The following TGM4 variants were observed in gnomAD, a reference collection of about 807,000 sequenced individuals.
TGM4 encodes the protein protein-glutamine gamma-glutamyltransferase 4.
Under a neutral mutation model 76.3 loss-of-function variants are expected in TGM4, and 61 were observed. The ratio of observed to expected loss-of-function variants is 0.80; its 90% confidence interval spans 0.65 to 0.99. The LOEUF (loss-of-function observed/expected upper bound fraction) is 0.99, where lower values mean the gene tolerates loss of function less well. Among genes scored for constraint, TGM4 ranks in the 50% least tolerant of loss-of-function variants. The pLI, the probability that TGM4 is intolerant of heterozygous loss-of-function variation, is 0.00. For missense variants in TGM4, 794 were observed against 843.2 expected, an observed-to-expected ratio of 0.94 and a Z score of 0.72; for synonymous variants, 337 against 329.8, an observed-to-expected ratio of 1.02 and a Z score of -0.24.
At chr3:44,911,565 A>G (rs1258038071) in intron 13 of TGM4, among the ~76,000 whole-genome samples, 159 bp downstream of exon 13, 3 of 152,244 alleles carry the variant, frequency 2.0e-5, no homozygotes, top group Admixed American at 1.3e-4. Flanking sequence ...GATTGCATCA[A>G]TTTATGCTCT....
chr3:44,878,415 C>CG (rs1699478198), intron 1 of TGM4, among the ~76,000 whole-genome samples: 1 of 150,200 alleles, frequency 6.7e-6, no homozygotes, highest in Non-Finnish European at 1.5e-5. Flanking sequence ...GGGAGAGAAA[C>CG]TTAATTTTTG....
At chr3:44,889,170 T>TAAAAAAAAAAAAAAA (rs546432543) in intron 3 of TGM4, 2 of 40,262 alleles carry the variant, frequency 5.0e-5, no homozygotes, top group African/African-American at 1.6e-4. Context: ...CCATCTCTAC[T>TAAAAAAAAAAAAAAA]AAAAAAAAAA....
chr3:44,913,596 T>A lies in TGM4; in HGVS notation c.1926T>A (p.Pro642=). The A allele has an allele frequency of 6.2e-7, 1 of 1,613,948 alleles. No homozygotes were observed. Among genetic ancestry groups the A allele is most frequent in the Non-Finnish European group, 8.5e-7 (1 of 1,179,920 alleles). The change falls in exon 14 of 14, where the codon CCT becomes CCA. Residue 642 remains proline, a synonymous_variant. Coordinates refer to ENST00000296125, the MANE Select transcript of TGM4 (RefSeq NM_003241.4). Reference sequence around the variant, plus strand: ...TTGAATTTTCCAGGACGGTGCAGCCTGGTGAGACCATCCAATCCCAAATAA... The same window carrying A: ...TTGAATTTTCCAGGACGGTGCAGCCAGGTGAGACCATCCAATCCCAAATAA... The part of the protein sequence containing the change: ...LQTSDHGTVQ[P]GETIQSQIKC...
chr3:44,912,767 G>A (rs1700021479), intron 13 of TGM4, among the ~76,000 whole-genome samples: 4 of 152,096 alleles, frequency 2.6e-5, no homozygotes, highest in Admixed American at 2.6e-4. Context: ...CTTTAGAAAA[G>A]CTATATTGTT....
In TGM4 at chr3:44,913,604, C is replaced by A. The variant is rs772599019; in HGVS notation, c.1934C>A (p.Thr645Asn). The A allele has an allele frequency of 9.9e-6, 16 of 1,613,912 alleles. No homozygotes were observed. The Admixed American group carries it at 2.5e-4, about 25-fold the overall frequency. ...TCCAGGACGGTGCAGCCTGGTGAGA[C>A]CATCCAATCCCAAATAAAATGCACC... ...SDHGTVQPGETIQSQIKCTPI... is the reference protein window; with the variant it reads ...SDHGTVQPGENIQSQIKCTPI... The change falls in exon 14 of 14, where the codon ACC (threonine) becomes AAC (asparagine). Residue 645 changes from threonine (T) to asparagine (N), a missense_variant. Thr to Asn is a moderately conservative substitution (Grantham distance 65). Coordinates refer to ENST00000296125, the MANE Select transcript of TGM4 (RefSeq NM_003241.4).
intron 1 of TGM4, among the ~76,000 whole-genome samples, chr3:44,875,134 T>C (rs1382713476): frequency 1.3e-5 from 2 of 152,244 alleles, no homozygotes; most frequent in African/African-American, 4.8e-5. Flanking sequence ...AATACAATTA[T>C]GAAGACCAGG....
chr3:44,914,877 C>T lies in TGM4; in HGVS notation c.*1152C>T, dbSNP rs1559624134. The T allele has an allele frequency of 6.6e-6, 1 of 152,178 alleles. No homozygotes were observed. The highest frequency in any genetic ancestry group is 1.5e-5 in the Non-Finnish European group (1 of 68,054). 9.4% of individuals were successfully genotyped at this position (152,178 alleles called of 1,614,324 possible). A position where few individuals can be genotyped will look rare whatever the true frequency, so the allele number is the denominator to read the frequency against. ...GAGTCATGGGTGGGATACCTGTCAT[C>T]CTCTGCCTTTCCAGCTGTCCAAGTG... On this transcript the variant is annotated 3_prime_UTR_variant, in exon 14 of 14. Transcript: ENST00000296125.
In TGM4 at chr3:44,905,838, GCA is replaced by G. The variant is rs1559619592; in HGVS notation, c.1076-1110_1076-1109del. ...GAGCAGGTGATATGCCCACACCCCC[GCA>G]TACTCTGCAGGAAGATTCTCAGCAG... On this transcript the variant is annotated intron_variant, in intron 9 of 13. Transcript: ENST00000296125. 5.9e-5 allele frequency among the ~76,000 whole-genome samples: 9 copies of G among 151,876 alleles called. No homozygotes were observed. The East Asian group carries it at 1.7e-3, about 29-fold the overall frequency.
intron 5 of TGM4, among the ~76,000 whole-genome samples, chr3:44,895,362 C>T (rs1575719813): frequency 6.6e-6 from 1 of 152,164 alleles, no homozygotes; most frequent in Non-Finnish European, 1.5e-5. Context: ...TATGGAGGCT[C>T]ACACCTGTAA....
At chr3:44,887,048 C>G (rs1195928977) in intron 2 of TGM4, among the ~76,000 whole-genome samples, 1 of 152,208 alleles carries the variant, frequency 6.6e-6, no homozygotes, top group Non-Finnish European at 1.5e-5. Context: ...TGCCAGGGCC[C>G]TGAGGAGACA....
At chr3:44,891,963 G>GAA (rs552774367) in intron 4 of TGM4, among the ~76,000 whole-genome samples, 1 of 115,246 alleles carries the variant, frequency 8.7e-6, no homozygotes, top group Non-Finnish European at 1.8e-5. Context: ...CTCAAAAAAG[G>GAA]AAAAAAAAAA....
In TGM4 at chr3:44,885,398, G is replaced by A. The variant is rs747399684; in HGVS notation, c.93G>A (p.Thr31=). 33 of 1,613,874 alleles carry A rather than the reference G, an allele frequency of 2.0e-5. No individual in the cohort carries two copies. The highest frequency in any genetic ancestry group is 1.7e-4 in the Middle Eastern group (1 of 5,972). ...AVSHHTWEFQ[T]SSPVFRRGQV... ...CTCACCACACATGGGAGTTCCAAACGAGCAGTCCTGTGTTCCGGCGAGGAC... is the reference window on the plus strand; with the variant it reads ...CTCACCACACATGGGAGTTCCAAACAAGCAGTCCTGTGTTCCGGCGAGGAC... Residue 31 remains threonine, a synonymous_variant, in exon 2 of 14, where the codon ACG becomes ACA. Coordinates refer to ENST00000296125, the MANE Select transcript of TGM4 (RefSeq NM_003241.4).
chr3:44,905,839 C>CA (rs1553675452), intron 9 of TGM4, among the ~76,000 whole-genome samples: 10 of 151,860 alleles, frequency 6.6e-5, no homozygotes, highest in Admixed American at 3.9e-4. Context: ...CACACCCCCG[C>CA]ATACTCTGCA....
At chr3:44,900,858 C>G (rs1699843102) in intron 6 of TGM4, 1 of 152,380 alleles carries the variant, frequency 6.6e-6, no homozygotes, top group South Asian at 2.1e-4. Flanking sequence ...CAGGGCTCCT[C>G]AGGGGTTAAG....
rs371292776 is a variant in TGM4, at chr3:44,909,097, T to C, written c.1328-993T>C. Among the ~76,000 whole-genome samples the C allele has an allele frequency of 9.2e-5, 14 of 152,370 alleles. No individual in the cohort carries two copies. The South Asian group carries it at 2.3e-3, about 25-fold the overall frequency. On this transcript the variant is annotated intron_variant, in intron 10 of 13. Coordinates refer to ENST00000296125, the MANE Select transcript of TGM4 (RefSeq NM_003241.4). ...CTCAGTTTGCTGAATGGTCAGCTAATGATTAGATGGATATTGCTTTAAATT... is the reference window on the plus strand; with the variant it reads ...CTCAGTTTGCTGAATGGTCAGCTAACGATTAGATGGATATTGCTTTAAATT...
rs146559503 is a variant in TGM4, at chr3:44,913,648, A to G, written c.1978A>G (p.Lys660Glu). ...ATGCACCCCAATAAAAACTGGACCC[A>G]AGAAATTTATCGTCAAGTTAAGTTC... ...IKCTPIKTGPKKFIVKLSSKQ... is the reference protein window; with the variant it reads ...IKCTPIKTGPEKFIVKLSSKQ... Residue 660 changes from lysine (K) to glutamate (E), a missense_variant, in exon 14 of 14, where the codon AAG becomes GAG. By Grantham distance (56) the Lys-to-Glu change is moderately conservative. Transcript: ENST00000296125. 131 of 1,614,240 alleles carry G rather than the reference A, an allele frequency of 8.1e-5. 1 individual carries two copies. The highest frequency in any genetic ancestry group is 5.3e-4 in the East Asian group (24 of 44,884).
rs1699735192 is a variant in TGM4, at chr3:44,893,672, T to C, written c.526T>C (p.Cys176Arg). 6.2e-7 allele frequency: 1 copy of C among 1,613,900 alleles called. No individual in the cohort carries two copies. Reference sequence around the variant, plus strand: ...CGTGGGGGCTGCCAGAAGTATCAAATGCAAACCCTGGAACTTTGGTCAGGT... The same window carrying C: ...CGTGGGGGCTGCCAGAAGTATCAAACGCAAACCCTGGAACTTTGGTCAGGT... ...HYVGAARSIK[C>R]KPWNFGQFEK... The change falls in exon 5 of 14, where the codon TGC becomes CGC. Residue 176 changes from cysteine to arginine, a missense_variant. Physicochemically the swap from Cys to Arg is radical, Grantham distance 180. Coordinates refer to ENST00000296125, the MANE Select transcript of TGM4 (RefSeq NM_003241.4).
rs1559611481 is a variant in TGM4 at position 44,887,692 on chromosome 3, CG to C, written c.198del (p.Asn67IlefsTer52). On this transcript the variant is annotated frameshift_variant, in exon 3 of 14. Coordinates refer to ENST00000296125, the MANE Select transcript of TGM4 (RefSeq NM_003241.4). LOFTEE classifies it high-confidence loss of function. ...HQLKLEFSTG[P>X]NPSIAKHTLV... The stretch of plus-strand genomic sequence containing the variant: ...GTTTTCCTTTGGGTGTCTCCAGGGC[CG>C]AATCCTAGCATCGCCAAACACACCC... The C allele has an allele frequency of 6.2e-7, 1 of 1,613,620 alleles. No individual in the cohort carries two copies.
At chr3:44,895,891 A>G (rs982250445) in intron 5 of TGM4, among the ~76,000 whole-genome samples, 2 of 152,182 alleles carry the variant, frequency 1.3e-5, no homozygotes, top group African/African-American at 4.8e-5. Context: ...GGCTTACAGT[A>G]AATAGAATTT....
Sources: allele counts gnomAD v4.1 joint callset (sites outside exome capture counted in the v4.1 genomes callset), GRCh38; gene constraint gnomAD v4.1.1; transcripts MANE v1.5; gene names NCBI Gene and HGNC (gene_info 2026-07-23, HGNC 2026-07-21).